The following CCNY variants were observed in gnomAD, a reference collection of about 807,000 sequenced individuals.
The protein encoded by CCNY is cyclin-Y.
CCNY carries 19 observed loss-of-function variants against 42.8 expected under a neutral mutation model. The observed-to-expected ratio is 0.44, with a 90% CI of 0.31 to 0.65. The LOEUF (loss-of-function observed/expected upper bound fraction) is 0.65. Among genes scored for constraint, CCNY ranks in the 30% least tolerant of loss-of-function variants. The pLI, the probability that CCNY is intolerant of heterozygous loss-of-function variation, is 0.07. For synonymous variants in CCNY, 165 were observed against 162.7 expected (o/e 1.01, Z -0.11); for missense variants, 370 against 437.3 (o/e 0.85, Z 1.37).
At chr10:35,460,829 C>T (rs1839142433) in intron 1 of CCNY, among the ~76,000 whole-genome samples, 1 of 152,178 alleles carries the variant, frequency 6.6e-6, no homozygotes, top group South Asian at 2.1e-4. Flanking sequence ...TTATTTGTTA[C>T]TCAGTCATTT....
At chr10:35,375,967 G>C (rs1837042987) in intron 1 of CCNY, among the ~76,000 whole-genome samples, 2 of 152,146 alleles carry the variant, frequency 1.3e-5, no homozygotes, top group Admixed American at 1.3e-4. Flanking sequence ...ACACCGAAAG[G>C]AGGACTGCTC....
chr10:35,311,711 T>C (rs1339194699), intron 3 of CCNY, among the ~76,000 whole-genome samples: 2 of 117,272 alleles, frequency 1.7e-5, no homozygotes, highest in Non-Finnish European at 3.3e-5. Flanking sequence ...TTTGGCTGAG[T>C]GTGGTGGCTC....
chr10:35,568,493 A>C (rs911659026), intron 9 of CCNY, among the ~76,000 whole-genome samples: 1 of 152,176 alleles, frequency 6.6e-6, no homozygotes, highest in Non-Finnish European at 1.5e-5. Context: ...TGCACATCTC[A>C]TATTTTTGTG....
intron 8 of CCNY, among the ~76,000 whole-genome samples, chr10:35,557,635 A>T (rs1248642566): frequency 6.6e-6 from 1 of 152,190 alleles, no homozygotes; most frequent in Non-Finnish European, 1.5e-5. Flanking sequence ...GCTCACCTGT[A>T]GTCCCAGCTA....
At chr10:35,550,205 GCTC>G (rs1841222186) in intron 7 of CCNY, among the ~76,000 whole-genome samples, 2 of 148,586 alleles carry the variant, frequency 1.3e-5, no homozygotes, top group Non-Finnish European at 3.0e-5. Context: ...ACCCTACAGT[GCTC>G]GTGACCCTGC....
At chr10:35,332,729 C>T (rs780754340), upstream of CCNY, among the ~76,000 whole-genome samples, 5 of 152,070 alleles carry the variant, frequency 3.3e-5, no homozygotes, top group Admixed American at 6.5e-5. Context: ...CTCAGCCTCC[C>T]GAGCAGCTGG....
chr10:35,491,325 G>A (rs1451869679), intron 2 of CCNY, among the ~76,000 whole-genome samples: 1 of 152,212 alleles, frequency 6.6e-6, no homozygotes, highest in Non-Finnish European at 1.5e-5. Context: ...TGAAGCAGTA[G>A]GGTGAGTCCC....
intron 1 of CCNY, among the ~76,000 whole-genome samples, chr10:35,478,925 C>T (rs565293921): frequency 1.8e-4 from 28 of 152,176 alleles, no homozygotes; most frequent in South Asian, 2.1e-4. Context: ...GAAAAACAAC[C>T]GCATCAAAAA....
intron 1 of CCNY, among the ~76,000 whole-genome samples, chr10:35,409,542 T>C (rs915250610): frequency 6.6e-6 from 1 of 152,100 alleles, no homozygotes; most frequent in Non-Finnish European, 1.5e-5. Flanking sequence ...TCTGGAGGTC[T>C]GGGCATAGTG....
chr10:35,393,239 A>G (rs999329310), intron 1 of CCNY, among the ~76,000 whole-genome samples: 7 of 152,306 alleles, frequency 4.6e-5, no homozygotes, highest in South Asian at 2.1e-4. Flanking sequence ...AGATGCTCCT[A>G]TAAGTATATG....
At chr10:35,319,706 T>G (rs1161642816) in intron 3 of CCNY, among the ~76,000 whole-genome samples, 1 of 152,082 alleles carries the variant, frequency 6.6e-6, no homozygotes, top group East Asian at 1.9e-4. Context: ...AAACCCCGTC[T>G]CTACTAAAAA....
intron 1 of CCNY, among the ~76,000 whole-genome samples, chr10:35,481,728 G>C (rs1274200211): frequency 6.6e-6 from 1 of 152,148 alleles, no homozygotes; most frequent in Non-Finnish European, 1.5e-5. Context: ...TCCTGGTTAG[G>C]ATTTTATATT....
chr10:35,518,256 A>C (rs954953602), intron 4 of CCNY, among the ~76,000 whole-genome samples: 5 of 152,220 alleles, frequency 3.3e-5, no homozygotes, highest in African/African-American at 9.7e-5. Context: ...AGTTAGAAAT[A>C]TGTTGTCTGT....
At position 35,397,978 on chromosome 10, in the gene CCNY, G is replaced by T. The variant is rs114583805; in HGVS notation, c.154+60771G>T. On this transcript the variant is annotated intron_variant, in intron 1 of 9. Transcript: ENST00000374704. ...GTGCTTGCTTCCAGGGCCGAGGGAA[G>T]GGGAGGCACAGTGAGACCAGACTCT... 3.0e-3 allele frequency among the ~76,000 whole-genome samples: 455 copies of T among 152,316 alleles called. 1 individual carries two copies. The highest frequency in any genetic ancestry group is 0.01 in the African/African-American group (431 of 41,570).
chr10:35,568,420 C>T (rs1022947818), intron 9 of CCNY, among the ~76,000 whole-genome samples: 1 of 152,224 alleles, frequency 6.6e-6, no homozygotes, highest in Non-Finnish European at 1.5e-5. Context: ...CAGTGGCAGC[C>T]CTGGGAGAGT....
intron 1 of CCNY, among the ~76,000 whole-genome samples, chr10:35,362,649 T>G (rs1836711139): frequency 6.6e-6 from 1 of 152,158 alleles, no homozygotes; most frequent in Non-Finnish European, 1.5e-5. Context: ...AATGCAAACT[T>G]TGGAGAGGGC....
At chr10:35,527,496 T>C (rs914612066) in intron 5 of CCNY, among the ~76,000 whole-genome samples, 2 of 152,228 alleles carry the variant, frequency 1.3e-5, no homozygotes, top group Non-Finnish European at 2.9e-5. Flanking sequence ...CTTTACATGC[T>C]TTAATAACAA....
intron 9 of CCNY, 185 bp downstream of exon 9, chr10:35,566,370 A>C: frequency 9.1e-6 from 6 of 656,402 alleles, no homozygotes; most frequent in Non-Finnish European, 1.2e-5. Flanking sequence ...TTTGAGACGG[A>C]GTCTCGCTCT....
intron 1 of CCNY, among the ~76,000 whole-genome samples, chr10:35,340,079 C>T (rs1836142291): frequency 6.6e-6 from 1 of 152,180 alleles, no homozygotes; most frequent in Admixed American, 6.5e-5. Flanking sequence ...GGATTCCATT[C>T]ATTTACTTAG....
Sources: gnomAD v4.1 joint callset for allele counts (sites outside exome capture counted in the v4.1 genomes callset) on GRCh38, gnomAD v4.1.1 for gene constraint, MANE v1.5 for transcripts, NCBI Gene and HGNC (gene_info 2026-07-23, HGNC 2026-07-21) for gene names.